Variants in NEURL1 observed in about 807,000 individuals in gnomAD.
NEURL1 encodes E3 ubiquitin-protein ligase NEURL1.
Under a neutral mutation model 41.2 loss-of-function variants are expected in NEURL1, and 26 were observed. The observed-to-expected ratio is 0.63, with a 90% CI of 0.46 to 0.87. The LOEUF (loss-of-function observed/expected upper bound fraction) is 0.87, where lower values mean the gene tolerates loss of function less well. NEURL1 is among the 40% of genes least tolerant of loss of function. The pLI, the probability that NEURL1 is intolerant of heterozygous loss-of-function variation, is 0.00. For synonymous variants in NEURL1, 400 were observed against 402.3 expected, an observed-to-expected ratio of 0.99 and a Z score of 0.07; for missense variants, 761 against 871.1, an observed-to-expected ratio of 0.87 and a Z score of 1.59.
At chr10:103,577,170 A>C (rs7911353) in intron 3 of NEURL1, among the ~76,000 whole-genome samples, 1 of 152,120 alleles carries the variant, frequency 6.6e-6, no homozygotes, top group Non-Finnish European at 1.5e-5. Flanking sequence ...ATTAAGAAAA[A>C]AATCTTGCTT....
In NEURL1 at chr10:103,566,240, A is replaced by G. The variant is rs549072025; in HGVS notation, c.86-4632A>G. Among the ~76,000 whole-genome samples, 3 of 152,068 alleles carry G rather than the reference A, an allele frequency of 2.0e-5. No homozygotes were observed. The highest frequency in any genetic ancestry group is 2.0e-4 in the Admixed American group (3 of 15,276). Reference sequence around the variant, plus strand: ...AAGTAGCTGGGATTACAGGTGCGAGACACCATGCCTGGCTAATTTTTTATT... The same window carrying G: ...AAGTAGCTGGGATTACAGGTGCGAGGCACCATGCCTGGCTAATTTTTTATT... On this transcript the variant is annotated intron_variant, in intron 1 of 5. Transcript: ENST00000369780. This position sits in a 1 kb window ranked among gnomAD's most constrained non-coding sequence, Gnocchi z 4.2.
Position 103,566,331 on chromosome 10 carries a change from G to A in NEURL1, c.86-4541G>A, listed in dbSNP as rs942146866. Among the ~76,000 whole-genome samples, 1 of 152,032 alleles carries A rather than the reference G, an allele frequency of 6.6e-6. No homozygotes were observed. Among genetic ancestry groups the A allele is most frequent in the African/African-American group, 2.4e-5 (1 of 41,368 alleles). On this transcript the variant is annotated intron_variant, in intron 1 of 5. Coordinates refer to ENST00000369780, the MANE Select transcript of NEURL1 (RefSeq NM_004210.5). The surrounding 1 kb of genome is among the most constrained non-coding windows in gnomAD (Gnocchi z 4.2). ...GGCTAAGATATGGAACATTTCTATC[G>A]CCATAAAAACTTCCTTCCTGCCTCT...
chr10:103,574,657 A>G (rs1257831952), intron 3 of NEURL1, among the ~76,000 whole-genome samples: 1 of 152,178 alleles, frequency 6.6e-6, no homozygotes, highest in East Asian at 1.9e-4. Flanking sequence ...GCACATGGGA[A>G]TGAAGTGGAA....
intron 4 of NEURL1, among the ~76,000 whole-genome samples, chr10:103,587,932 C>T (rs751706558): frequency 1.3e-5 from 2 of 152,164 alleles, no homozygotes; most frequent in Middle Eastern, 3.2e-3. Context: ...AAAAAGATCT[C>T]ATTGGGCACT....
intron 3 of NEURL1, among the ~76,000 whole-genome samples, chr10:103,575,752 C>A (rs1375462925): frequency 6.6e-6 from 1 of 152,228 alleles, no homozygotes; most frequent in African/African-American, 2.4e-5. Context: ...TCACCTCTTT[C>A]TTTGGGGCGC....
chr10:103,499,674 G>A (rs915431529), intron 1 of NEURL1, among the ~76,000 whole-genome samples: 2 of 151,766 alleles, frequency 1.3e-5, no homozygotes, highest in African/African-American at 2.4e-5. Flanking sequence ...TTGCCATGTT[G>A]CCCAGGATGG....
intron 1 of NEURL1, among the ~76,000 whole-genome samples, chr10:103,563,298 C>T (rs2133873736): frequency 6.6e-6 from 1 of 152,306 alleles, no homozygotes; most frequent in Middle Eastern, 3.4e-3. Context: ...GAGAGGTGGG[C>T]AGGGCAGCTA....
At chr10:103,534,502 CTA>C (rs2034650502) in intron 1 of NEURL1, among the ~76,000 whole-genome samples, 1 of 151,864 alleles carries the variant, frequency 6.6e-6, no homozygotes, top group Admixed American at 6.6e-5. Context: ...GGTATAGTCT[CTA>C]TGCAGCTTCT....
chr10:103,584,615 G>A lies in NEURL1; in HGVS notation c.729G>A (p.Ala243=). Residue 243 remains alanine, a synonymous_variant, in exon 4 of 6, where the codon GCG becomes GCA. Transcript: ENST00000369780. Reference sequence around the variant, plus strand: ...GGCGGCCGTCGCTGCGGCGCGAGGCGGACGACGCGCGCCTCTCGGTGAGCC... The same window carrying A: ...GGCGGCCGTCGCTGCGGCGCGAGGCAGACGACGCGCGCCTCTCGGTGAGCC... ...ALRRPSLRRE[A]DDARLSVSLC... 1.4e-6 allele frequency: 2 copies of A among 1,417,650 alleles called. No homozygotes were observed. Among genetic ancestry groups the A allele is most frequent in the Non-Finnish European group, 1.8e-6 (2 of 1,091,810 alleles). 87.8% of individuals were successfully genotyped at this position (1,417,650 alleles called of 1,614,324 possible).
At chr10:103,537,090 T>C (rs1252176571) in intron 1 of NEURL1, among the ~76,000 whole-genome samples, 1 of 152,262 alleles carries the variant, frequency 6.6e-6, no homozygotes, top group Non-Finnish European at 1.5e-5. Flanking sequence ...TAGCATATAT[T>C]AGAATTTCTT....
intron 1 of NEURL1, among the ~76,000 whole-genome samples, chr10:103,497,126 G>A (rs1260530403): frequency 6.6e-6 from 1 of 152,152 alleles, no homozygotes; most frequent in Non-Finnish European, 1.5e-5. Context: ...GACTTCTAAG[G>A]ACTTCTTCCC....
At chr10:103,522,468 A>G (rs961964774) in intron 1 of NEURL1, among the ~76,000 whole-genome samples, 3 of 149,146 alleles carry the variant, frequency 2.0e-5, no homozygotes, top group African/African-American at 7.4e-5. Flanking sequence ...AAAAAAAATT[A>G]GCCGGGTGTG....
At chr10:103,538,620 A>AT (rs1227912652) in intron 1 of NEURL1, among the ~76,000 whole-genome samples, 4 of 148,170 alleles carry the variant, frequency 2.7e-5, no homozygotes, top group Admixed American at 6.7e-5. Flanking sequence ...ACTGATGAGC[A>AT]TTTTTTCTTT....
chr10:103,571,702 C>G lies in NEURL1; in HGVS notation c.529C>G (p.Arg177Gly). Residue 177 changes from arginine to glycine, a missense_variant, in exon 3 of 6, where the codon CGT becomes GGT. By Grantham distance (125) the Arg-to-Gly change is moderately radical. This residue lies in a region of NEURL1 where 114 missense variants were observed against 144.8 expected (regional missense o/e 0.79). Coordinates refer to ENST00000369780, the MANE Select transcript of NEURL1 (RefSeq NM_004210.5). ...CGCATTCTGGGTGGACAAGAAGGGC[C>G]GTGTCTTCCACCGCATCAACGACTC... ...IIAFWVDKKG[R>G]VFHRINDSAV... The G allele has an allele frequency of 5.0e-6, 8 of 1,614,212 alleles. No individual in the cohort carries two copies. The highest frequency in any genetic ancestry group is 6.8e-6 in the Non-Finnish European group (8 of 1,180,028).
chr10:103,570,229 G>A (rs974267629), intron 1 of NEURL1, among the ~76,000 whole-genome samples: 2 of 152,140 alleles, frequency 1.3e-5, no homozygotes, highest in Non-Finnish European at 2.9e-5. Flanking sequence ...GGATCTTGGG[G>A]GCCCCACCAG....
intron 1 of NEURL1, among the ~76,000 whole-genome samples, chr10:103,498,441 T>C (rs1374391950): frequency 6.6e-6 from 1 of 152,120 alleles, no homozygotes; most frequent in Non-Finnish European, 1.5e-5. Context: ...TTAGCCAGGA[T>C]GGTCTCGATC....
chr10:103,553,028 G>A (rs954941551), intron 1 of NEURL1, among the ~76,000 whole-genome samples: 45 of 152,206 alleles, frequency 3.0e-4, no homozygotes, highest in African/African-American at 1.1e-3. Flanking sequence ...GTCTGGGTGT[G>A]GGGCCATAGG....
At chr10:103,538,425 G>A (rs942248560) in intron 1 of NEURL1, among the ~76,000 whole-genome samples, 6 of 151,938 alleles carry the variant, frequency 3.9e-5, no homozygotes, top group African/African-American at 1.4e-4. Context: ...GCAAAAACTA[G>A]CTGGGCATGG....
intron 1 of NEURL1, among the ~76,000 whole-genome samples, chr10:103,500,156 T>C (rs74395445): frequency 1.3e-5 from 2 of 152,204 alleles, no homozygotes; most frequent in Admixed American, 6.5e-5. Flanking sequence ...GCACCCATCC[T>C]GCATGCCCTG....
Sources: allele counts gnomAD v4.1 joint callset (sites outside exome capture counted in the v4.1 genomes callset), GRCh38; gene constraint gnomAD v4.1.1; regional missense constraint gnomAD v4.1.1; non-coding constraint Gnocchi (gnomAD v3.1); transcripts MANE v1.5; gene names NCBI Gene and HGNC (gene_info 2026-07-23, HGNC 2026-07-21).